MLIP: variants seen among roughly 807,000 people sequenced by gnomAD.
MLIP encodes the protein muscular LMNA-interacting protein.
In MLIP, 79 loss-of-function variants were observed where a neutral mutation model predicts 84.8. The ratio of observed to expected loss-of-function variants is 0.93; its 90% confidence interval spans 0.78 to 1.12. The LOEUF is 1.12. Among genes scored for constraint, MLIP ranks in the 50% most tolerant of loss-of-function variants. MLIP has a pLI of 0.00. For synonymous variants in MLIP, 504 were observed against 463.0 expected, an observed-to-expected ratio of 1.09 and a Z score of -1.14; for missense variants, 1,257 against 1,160.6, an observed-to-expected ratio of 1.08 and a Z score of -1.21.
rs61237050 is a variant in MLIP, at chr6:54,208,595, A to T, written c.2718+6362A>T. On this transcript the variant is annotated intron_variant, in intron 11 of 13. Transcript: ENST00000502396. Reference sequence around the variant, plus strand: ...AACAAGACCTCCATCTCTTAAAAAAATTTTTTTGTTTGTAAGGAAAAAAAG... The same window carrying T: ...AACAAGACCTCCATCTCTTAAAAAATTTTTTTTGTTTGTAAGGAAAAAAAG... Among the ~76,000 whole-genome samples the T allele has an allele frequency of 5.6e-3, 854 of 152,232 alleles. 11 individuals are homozygous for T. The highest frequency in any genetic ancestry group is 0.018 in the African/African-American group (752 of 41,540).
intron 11 of MLIP, among the ~76,000 whole-genome samples, chr6:54,209,007 A>C (rs1178907125): frequency 1.3e-5 from 2 of 152,214 alleles, no homozygotes; most frequent in Non-Finnish European, 2.9e-5. Context: ...CGTGAGATCA[A>C]GGTAGAATGC....
At chr6:54,146,991 T>G (rs1425047396) in intron 4 of MLIP, among the ~76,000 whole-genome samples, 1 of 152,172 alleles carries the variant, frequency 6.6e-6, no homozygotes, top group Non-Finnish European at 1.5e-5. Flanking sequence ...GGGGATAGTA[T>G]AGTATCTACC....
intron 3 of MLIP, among the ~76,000 whole-genome samples, chr6:54,126,686 G>A (rs1770945458): frequency 6.6e-6 from 1 of 152,054 alleles, no homozygotes. Context: ...GAGCACCAAA[G>A]AAAGCAGTCT....
chr6:54,211,828 A>C (rs1489415668), intron 11 of MLIP, among the ~76,000 whole-genome samples: 1 of 152,210 alleles, frequency 6.6e-6, no homozygotes, highest in East Asian at 1.9e-4. Context: ...CTGGACTAGA[A>C]CATCTCTTGG....
intron 1 of MLIP, among the ~76,000 whole-genome samples, chr6:54,094,590 CTT>C (rs67466778): frequency 2.1e-5 from 3 of 144,930 alleles, no homozygotes; most frequent in Non-Finnish European, 3.0e-5. Context: ...TTCTTTCTGA[CTT>C]TTTTTTTTTT....
At chr6:54,055,865 A>C (rs991382736) in intron 1 of MLIP, among the ~76,000 whole-genome samples, 6 of 152,280 alleles carry the variant, frequency 3.9e-5, no homozygotes, top group African/African-American at 1.4e-4. Context: ...CCTTGAGGGC[A>C]GAGATCATGT....
intron 12 of MLIP, among the ~76,000 whole-genome samples, chr6:54,250,454 T>G (rs906227420): frequency 3.3e-5 from 5 of 151,986 alleles, no homozygotes; most frequent in Admixed American, 2.6e-4. Flanking sequence ...GACATGGAAT[T>G]AACCCAAATG....
chr6:54,119,722 G>C (rs758135623), intron 1 of MLIP, among the ~76,000 whole-genome samples: 1 of 152,086 alleles, frequency 6.6e-6, no homozygotes, highest in Non-Finnish European at 1.5e-5. Context: ...TGATAATTAC[G>C]TGAGGAACTG....
At chr6:54,026,115 AGT>A (rs752394577) in intron 1 of MLIP, among the ~76,000 whole-genome samples, 2 of 152,188 alleles carry the variant, frequency 1.3e-5, no homozygotes, top group Non-Finnish European at 2.9e-5. Flanking sequence ...GTTTCTGAAC[AGT>A]GTGTCACTCC....
chr6:54,209,847 T>G (rs1268306542), intron 11 of MLIP, among the ~76,000 whole-genome samples: 1 of 152,190 alleles, frequency 6.6e-6, no homozygotes, highest in Non-Finnish European at 1.5e-5. Context: ...ACACTGTACT[T>G]ACTTTTTAAG....
chr6:54,068,346 A>C lies in MLIP; in HGVS notation c.63+49255A>C, dbSNP rs1225450697. 2.1e-3 allele frequency among the ~76,000 whole-genome samples: 203 copies of C among 98,102 alleles called. 79 individuals are homozygous for C. Among genetic ancestry groups the C allele is most frequent in the Non-Finnish European group, 4.7e-4 (16 of 34,230 alleles). The allele number at this position is 98,102 out of a possible 152,430, so 64.4% of individuals were successfully genotyped here. On this transcript the variant is annotated intron_variant, in intron 1 of 12. Coordinates refer to the MLIP transcript ENST00000274897. ...GAGACGGGGTTTCACCATGTCGGCCAGGCTGGTCTCGAACTCCTGACCTCA... is the reference window on the plus strand; with the variant it reads ...GAGACGGGGTTTCACCATGTCGGCCCGGCTGGTCTCGAACTCCTGACCTCA...
At chr6:54,133,705 A>G (rs539236794) in intron 3 of MLIP, among the ~76,000 whole-genome samples, 1 of 152,188 alleles carries the variant, frequency 6.6e-6, no homozygotes, top group Non-Finnish European at 1.5e-5. Flanking sequence ...AAAATAATTG[A>G]TGGTCTCTAT....
intron 12 of MLIP, among the ~76,000 whole-genome samples, chr6:54,232,534 A>G (rs1000564787): frequency 6.6e-6 from 1 of 152,196 alleles, no homozygotes; most frequent in Non-Finnish European, 1.5e-5. Context: ...TAATAATAAT[A>G]AGATAGTAAT....
intron 1 of MLIP, among the ~76,000 whole-genome samples, chr6:54,114,615 G>A (rs1388009084): frequency 6.6e-6 from 1 of 152,120 alleles, no homozygotes; most frequent in Non-Finnish European, 1.5e-5. Context: ...ATGGGTTATT[G>A]CAATAGACTT....
intron 1 of MLIP, among the ~76,000 whole-genome samples, chr6:54,038,926 A>G (rs1764594437): frequency 6.6e-6 from 1 of 151,952 alleles, no homozygotes; most frequent in Non-Finnish European, 1.5e-5. Flanking sequence ...TAGATTGAAA[A>G]CTAGCAAAAA....
At chr6:54,101,893 G>A (rs1236935575) in intron 1 of MLIP, among the ~76,000 whole-genome samples, 1 of 152,050 alleles carries the variant, frequency 6.6e-6, no homozygotes, top group East Asian at 1.9e-4. Flanking sequence ...TTGAACAGTG[G>A]GAAACTCAGC....
chr6:54,219,294 T>C (rs1305214363), intron 11 of MLIP, among the ~76,000 whole-genome samples: 2 of 151,208 alleles, frequency 1.3e-5, no homozygotes, highest in Non-Finnish European at 2.9e-5. Flanking sequence ...TTTTTATTTA[T>C]ATCTTTAATC....
chr6:54,033,964 A>G (rs1764284309), intron 1 of MLIP, among the ~76,000 whole-genome samples: 1 of 152,218 alleles, frequency 6.6e-6, no homozygotes, highest in Admixed American at 6.5e-5. Context: ...TTACTTAACA[A>G]CTTGTTAAAA....
At chr6:54,236,039 C>A (rs1440037834) in intron 12 of MLIP, among the ~76,000 whole-genome samples, 1 of 152,190 alleles carries the variant, frequency 6.6e-6, no homozygotes, top group African/African-American at 2.4e-5. Context: ...GTGAAGCTAT[C>A]TCAGAACCAT....
Sources: gnomAD v4.1 joint callset for allele counts (sites outside exome capture counted in the v4.1 genomes callset) on GRCh38, gnomAD v4.1.1 for gene constraint, MANE v1.5 for transcripts, NCBI Gene and HGNC (gene_info 2026-07-23, HGNC 2026-07-21) for gene names.